Variants in NCKAP1 observed in about 807,000 individuals in gnomAD.
The protein encoded by NCKAP1 is nck-associated protein 1.
In NCKAP1, 21 loss-of-function variants were observed where a neutral mutation model predicts 151.2. The ratio of observed to expected loss-of-function variants is 0.14; its 90% CI spans 0.10 to 0.20. The LOEUF (loss-of-function observed/expected upper bound fraction) is 0.20, where lower values mean the gene tolerates loss of function less well. NCKAP1 is among the 10% of genes least tolerant of loss of function. NCKAP1 has a pLI of 1.00. For missense variants in NCKAP1, 933 were observed against 1,352.1 expected (o/e 0.69, Z 4.86); for synonymous variants, 484 against 451.8 (o/e 1.07, Z -0.90).
In NCKAP1 at chr2:182,964,578, T is replaced by C. The variant is rs934704019; in HGVS notation, c.1761+98A>G. On this transcript the variant is annotated intron_variant, in intron 17 of 30. Transcript: ENST00000361354. ...CATAGAGATGTATTCGATGGGAAGC[T>C]AAGTTAGCTAATTATGACTGTAAAT... The C allele has an allele frequency of 3.6e-5, 38 of 1,041,930 alleles. 1 individual carries two copies. In the South Asian group the frequency reaches 7.3e-4, roughly 20 times the overall value. The allele number at this position is 1,041,930 out of a possible 1,614,324, so 64.5% of individuals were successfully genotyped here. A position where few individuals can be genotyped will look rare whatever the true frequency, so the allele number is the denominator to read the frequency against.
Position 182,914,658 on chromosome 2 carries a change from C to T in NCKAP1, c.*11044G>A, listed in dbSNP as rs1696440174. 1 of 152,108 alleles carries T rather than the reference C, an allele frequency of 6.6e-6. No individual in the cohort carries two copies. The highest frequency in any genetic ancestry group is 2.4e-5 in the African/African-American group (1 of 41,404). The allele number at this position is 152,108 out of a possible 1,614,324, so 9.4% of individuals were successfully genotyped here. A position where few individuals can be genotyped will look rare whatever the true frequency, so the allele number is the denominator to read the frequency against. The stretch of plus-strand genomic sequence containing the variant: ...TTAAAACTTAAGTCACTTAGAATGA[C>T]ATGAGGGGTTCTATTACTAATTTGA... On this transcript the variant is annotated 3_prime_UTR_variant, in exon 31 of 31. Coordinates refer to ENST00000361354, the MANE Select transcript of NCKAP1 (RefSeq NM_013436.5).
intron 23 of NCKAP1, among the ~76,000 whole-genome samples, chr2:182,946,029 A>C (rs1469909559): frequency 6.6e-6 from 1 of 152,186 alleles, no homozygotes; most frequent in African/African-American, 2.4e-5. Flanking sequence ...AGAGCTGGAG[A>C]CCATTATCCT....
At chr2:183,028,424 T>C (rs1698940408) in intron 1 of NCKAP1, among the ~76,000 whole-genome samples, 1 of 152,160 alleles carries the variant, frequency 6.6e-6, no homozygotes, top group Admixed American at 6.5e-5. Context: ...ATTGGAACTT[T>C]ATTCTCCATG....
At position 183,023,792 on chromosome 2, in the gene NCKAP1, T is replaced by C; in HGVS notation, c.219+14A>G. On this transcript the variant is annotated intron_variant, in intron 2 of 30. Coordinates refer to ENST00000361354, the MANE Select transcript of NCKAP1 (RefSeq NM_013436.5). Reference sequence around the variant, plus strand: ...TGCTTAAAATTAAGCAATAGAAAAATTTAGATAACTTACATTGTTGTTGCG... The same window carrying C: ...TGCTTAAAATTAAGCAATAGAAAAACTTAGATAACTTACATTGTTGTTGCG... 1 of 1,585,450 alleles carries C rather than the reference T, an allele frequency of 6.3e-7. No individual in the cohort carries two copies. The highest frequency in any genetic ancestry group is 8.7e-7 in the Non-Finnish European group (1 of 1,154,638).
Position 182,956,406 on chromosome 2 carries a change from A to AGT in NCKAP1, c.2153+55_2153+56insAC. 4 of 1,553,974 alleles carry AGT rather than the reference A, an allele frequency of 2.6e-6. No homozygotes were observed. The African/African-American group carries it at 5.5e-5, about 21-fold the overall frequency. Reference sequence around the variant, plus strand: ...TTTCCTTATAAAACACTGTATAATTAAATAACAAACTCATTACTGAGTCAA... The same window carrying AGT: ...TTTCCTTATAAAACACTGTATAATTAGTAATAACAAACTCATTACTGAGTCAA... On this transcript the variant is annotated intron_variant, in intron 20 of 30. Transcript: ENST00000361354.
At position 182,927,872 on chromosome 2, in the gene NCKAP1, C is replaced by T. The variant is rs11686657; in HGVS notation, c.3180+245G>A. On this transcript the variant is annotated intron_variant, in intron 29 of 30. Transcript: ENST00000361354. The stretch of plus-strand genomic sequence containing the variant: ...AGACTTCCGAGTCTAAGGGAAATAA[C>T]GGACGGCTCCTCGATTTTAATGCCC... Among the ~76,000 whole-genome samples the T allele has an allele frequency of 9.2e-3, 1,398 of 151,924 alleles. 9 individuals carry two copies. Among genetic ancestry groups the T allele is most frequent in the Non-Finnish European group, 0.016 (1,062 of 67,884 alleles).
chr2:182,982,654 G>A (rs968092637), intron 12 of NCKAP1, among the ~76,000 whole-genome samples, 167 bp downstream of exon 12: 1 of 152,150 alleles, frequency 6.6e-6, no homozygotes, highest in South Asian at 2.1e-4. Context: ...TGAGCACATT[G>A]AAGGTAGGCT....
intron 24 of NCKAP1, among the ~76,000 whole-genome samples, chr2:182,936,122 G>T (rs1303128752): frequency 2.6e-5 from 4 of 151,976 alleles, no homozygotes; most frequent in Admixed American, 1.3e-4. Flanking sequence ...AATCGGGTGT[G>T]GGGGCATGAG....
intron 2 of NCKAP1, among the ~76,000 whole-genome samples, chr2:183,015,508 G>A (rs1217595119): frequency 6.6e-6 from 1 of 151,708 alleles, no homozygotes; most frequent in Non-Finnish European, 1.5e-5. Context: ...TTATAAAAAG[G>A]TGACATGATT....
At chr2:182,926,309 G>A (rs749941571) in intron 30 of NCKAP1, among the ~76,000 whole-genome samples, 28 of 152,020 alleles carry the variant, frequency 1.8e-4, no homozygotes, top group Admixed American at 3.9e-4. Flanking sequence ...GATTTGAGCT[G>A]TGGGATGTGC....
intron 7 of NCKAP1, 74 bp from the exon 8 acceptor site, chr2:182,994,961 C>T (rs777922531): frequency 1.7e-6 from 2 of 1,189,976 alleles, no homozygotes; most frequent in Non-Finnish European, 2.5e-6. Context: ...CACTCTCCTC[C>T]CTTTCTCCTG....
At chr2:182,938,325 T>C (rs1185528883) in intron 24 of NCKAP1, among the ~76,000 whole-genome samples, 1 of 151,868 alleles carries the variant, frequency 6.6e-6, no homozygotes, top group African/African-American at 2.4e-5. Context: ...TGACACTACA[T>C]AAAAGATGAA....
chr2:183,037,255 C>T (rs1699120219), intron 1 of NCKAP1, among the ~76,000 whole-genome samples: 1 of 152,152 alleles, frequency 6.6e-6, no homozygotes, highest in Non-Finnish European at 1.5e-5. Flanking sequence ...TTTGTACAGA[C>T]ACCGAACTTT....
chr2:182,958,806 T>G (rs1246116150), intron 18 of NCKAP1, among the ~76,000 whole-genome samples: 3 of 152,116 alleles, frequency 2.0e-5, no homozygotes, highest in Non-Finnish European at 4.4e-5. Flanking sequence ...AGAAATAACA[T>G]TTTAGGTAGA....
intron 9 of NCKAP1, among the ~76,000 whole-genome samples, chr2:182,986,443 C>G (rs898237372): frequency 6.6e-6 from 1 of 151,894 alleles, no homozygotes; most frequent in Admixed American, 6.6e-5. Context: ...ATATTAAATC[C>G]AACAATAAAA....
intron 9 of NCKAP1, among the ~76,000 whole-genome samples, chr2:182,986,864 T>C (rs1308459313): frequency 6.6e-6 from 1 of 152,178 alleles, no homozygotes; most frequent in Non-Finnish European, 1.5e-5. Context: ...TGCTAATAAA[T>C]AATTTCATGA....
At chr2:182,954,078 C>T (rs2105823977) in intron 20 of NCKAP1, among the ~76,000 whole-genome samples, 1 of 152,166 alleles carries the variant, frequency 6.6e-6, no homozygotes, top group Admixed American at 6.5e-5. Context: ...CACTATATCT[C>T]CCAGAGGAAA....
intron 18 of NCKAP1, among the ~76,000 whole-genome samples, chr2:182,959,489 CAT>C (rs1697395974): frequency 1.3e-5 from 2 of 152,202 alleles, no homozygotes; most frequent in Non-Finnish European, 2.9e-5. Context: ...ACAAAAACCA[CAT>C]GATTATCTCA....
intron 1 of NCKAP1, among the ~76,000 whole-genome samples, chr2:183,029,140 TAGGTCAGTAGTC>T (rs1698957293): frequency 6.6e-6 from 1 of 151,652 alleles, no homozygotes; most frequent in African/African-American, 2.4e-5. Flanking sequence ...AAAAAAACTA[TAGGTCAGTAGTC>T]AATTCAATAT....
Sources: allele counts gnomAD v4.1 joint callset (sites outside exome capture counted in the v4.1 genomes callset), GRCh38; gene constraint gnomAD v4.1.1; transcripts MANE v1.5; gene names NCBI Gene and HGNC (gene_info 2026-07-23, HGNC 2026-07-21).